The following TSPEAR variants were observed in gnomAD, a reference collection of about 807,000 sequenced individuals.
TSPEAR encodes the protein thrombospondin-type laminin G domain and EAR repeat-containing protein.
TSPEAR carries 69 observed loss-of-function variants against 71.6 expected under a neutral mutation model. That is an observed-to-expected ratio of 0.96 (90% CI 0.79 to 1.18). The LOEUF is 1.18. TSPEAR is among the 50% of genes most tolerant of loss of function. The probability of loss-of-function intolerance (pLI) is 0.00; values close to 1 mark genes in which losing one functional copy is unlikely to be tolerated. For missense variants in TSPEAR, 971 were observed against 894.9 expected (o/e 1.09, Z -1.09); for synonymous variants, 402 against 387.2 (o/e 1.04, Z -0.45).
At chr21:44,597,376 T>G (rs1414142997) in intron 1 of TSPEAR, among the ~76,000 whole-genome samples, 3 of 151,992 alleles carry the variant, frequency 2.0e-5, no homozygotes, top group Non-Finnish European at 4.4e-5. Context: ...TGTGGTGTAT[T>G]TTCTTCCATC....
intron 1 of TSPEAR, chr21:44,675,731 C>T: frequency 2.5e-6 from 1 of 403,510 alleles, no homozygotes; most frequent in Non-Finnish European, 4.5e-6. Flanking sequence ...ATAAATGCAA[C>T]AGGTGTTAAC....
chr21:44,666,280 AAGGGCTCC>A lies in TSPEAR; in HGVS notation c.82+45145_82+45152del. ...CCCTGGGGGGATGGGCAAGGTCAGC[AAGGGCTCC>A]AGATCATTCTGTCACATTCTCAATC... On this transcript the variant is annotated intron_variant, in intron 1 of 11. Transcript: ENST00000323084. 4.5e-6 allele frequency: 4 copies of A among 890,610 alleles called. No individual in the cohort carries two copies. The South Asian group carries it at 8.3e-5, about 18-fold the overall frequency. 55.2% of individuals were successfully genotyped at this position (890,610 alleles called of 1,614,324 possible). A position where few individuals can be genotyped will look rare whatever the true frequency, so the allele number is the denominator to read the frequency against.
rs1414750782 is a variant in TSPEAR, at chr21:44,499,953, G to A, written c.1857-17C>T. 1 of 1,594,172 alleles carries A rather than the reference G, an allele frequency of 6.3e-7. No homozygotes were observed. The highest frequency in any genetic ancestry group is 8.5e-7 in the Non-Finnish European group (1 of 1,173,656). On this transcript the variant is annotated splice_polypyrimidine_tract_variant and intron_variant, in intron 11 of 11. Coordinates refer to ENST00000323084, the MANE Select transcript of TSPEAR (RefSeq NM_144991.3). ...CCCTGCCACCTGCGGAACAGACAGC[G>A]GCAGCCGGGTCAGCCTGGGCTCTGC...
chr21:44,628,164 A>C (rs781877134), intron 1 of TSPEAR: 86 of 1,330,614 alleles, frequency 6.5e-5, no homozygotes, highest in Non-Finnish European at 8.6e-5. Flanking sequence ...AGCCCCAGCC[A>C]CAGCCGCCCA....
At chr21:44,503,294 G>A (rs1300376426) in intron 11 of TSPEAR, among the ~76,000 whole-genome samples, 5 of 142,240 alleles carry the variant, frequency 3.5e-5, no homozygotes, top group Non-Finnish European at 7.7e-5. Context: ...GAGCCCTCGG[G>A]GGGAAGCAAG....
intron 2 of TSPEAR, chr21:44,539,399 C>G: frequency 6.2e-7 from 1 of 1,601,790 alleles, no homozygotes; most frequent in Non-Finnish European, 8.5e-7. Flanking sequence ...AGGGGCACAG[C>G]AGGAGGAGAC....
At chr21:44,513,389 T>G (rs587720478) in intron 9 of TSPEAR, among the ~76,000 whole-genome samples, 9 of 152,326 alleles carry the variant, frequency 5.9e-5, no homozygotes, top group Non-Finnish European at 8.8e-5. Flanking sequence ...CACTCCCAGA[T>G]TTTAAGCACA....
chr21:44,681,698 G>C, intron 1 of TSPEAR: 1 of 1,203,650 alleles, frequency 8.3e-7, no homozygotes, highest in Admixed American at 2.5e-5. Context: ...TTATATTCTC[G>C]ATCCAGAATT....
At position 44,531,024 on chromosome 21, in the gene TSPEAR, G is replaced by GCAGC. The variant is rs1555915680; in HGVS notation, c.633+15_633+18dup. 1 of 1,604,750 alleles carries GCAGC rather than the reference G, an allele frequency of 6.2e-7. No homozygotes were observed. The highest frequency in any genetic ancestry group is 1.7e-5 in the Admixed American group (1 of 59,974). The stretch of plus-strand genomic sequence containing the variant: ...ATCCCGCAGCACGGGTGTTGGGAAG[G>GCAGC]CAGCCCCTCCATACTCGCCATGAAC... On this transcript the variant is annotated intron_variant, in intron 4 of 11. Transcript: ENST00000323084.
intron 1 of TSPEAR, chr21:44,697,198 C>T (rs782303216): frequency 5.6e-6 from 9 of 1,613,004 alleles, no homozygotes; most frequent in Non-Finnish European, 7.6e-6. Flanking sequence ...CGGCTGCATC[C>T]ACCATGTCCG....
At chr21:44,670,055 C>A (rs1307275725) in intron 1 of TSPEAR, among the ~76,000 whole-genome samples, 1 of 152,136 alleles carries the variant, frequency 6.6e-6, no homozygotes, top group African/African-American at 2.4e-5. Flanking sequence ...AGAATAATTC[C>A]CTTTTAATAT....
intron 1 of TSPEAR, among the ~76,000 whole-genome samples, chr21:44,598,166 G>A (rs1409698799): frequency 1.3e-5 from 2 of 152,046 alleles, no homozygotes; most frequent in Non-Finnish European, 2.9e-5. Flanking sequence ...CTCGCATTCC[G>A]TTCTGTATTT....
At chr21:44,540,135 T>G (rs2053191404) in intron 2 of TSPEAR, 1 of 1,613,182 alleles carries the variant, frequency 6.2e-7, no homozygotes, top group Non-Finnish European at 8.5e-7. Flanking sequence ...CAGACGGACA[T>G]GGTGGACGCG....
At chr21:44,540,978 A>ATT (rs201197414) in intron 2 of TSPEAR, among the ~76,000 whole-genome samples, 11 of 141,576 alleles carry the variant, frequency 7.8e-5, no homozygotes, top group African/African-American at 7.8e-5. Flanking sequence ...TCTTAAATTT[A>ATT]TTTTTTTTTT....
chr21:44,709,914 T>C (rs1988130218), intron 1 of TSPEAR, among the ~76,000 whole-genome samples: 1 of 152,258 alleles, frequency 6.6e-6, no homozygotes, highest in African/African-American at 2.4e-5. Context: ...CTTTCCTCCC[T>C]GGTTCGTGGT....
chr21:44,508,854 C>T, intron 10 of TSPEAR: 2 of 1,408,974 alleles, frequency 1.4e-6, no homozygotes, highest in South Asian at 1.2e-5. Flanking sequence ...CGCACCTGTC[C>T]CTCTGGGGCC....
At chr21:44,531,331 C>A (rs587621791) in intron 3 of TSPEAR, among the ~76,000 whole-genome samples, 198 bp from the exon 4 acceptor site, 11 of 152,342 alleles carry the variant, frequency 7.2e-5, no homozygotes, top group Non-Finnish European at 1.3e-4. Flanking sequence ...CAGGGTTTCT[C>A]CGAAGGCTCC....
chr21:44,524,777 TAGTC>T (rs782787847), intron 8 of TSPEAR, among the ~76,000 whole-genome samples: 9 of 151,616 alleles, frequency 5.9e-5, no homozygotes, highest in South Asian at 2.1e-4. Flanking sequence ...AGGTAATTAG[TAGTC>T]AGTCAGAGAG....
chr21:44,550,818 C>T lies in TSPEAR; in HGVS notation c.304-16895G>A, dbSNP rs782779314. On this transcript the variant is annotated intron_variant, in intron 2 of 11. Transcript: ENST00000323084. ...GGAGGTGCAGCAAGCTGGCTGGCAG[C>T]TAGACTGCTGGCAGCACGGAGAGGA... 6 of 1,535,230 alleles carry T rather than the reference C, an allele frequency of 3.9e-6. No homozygotes were observed. In the African/African-American group the frequency reaches 6.9e-5, roughly 18 times the overall value.
Sources: gnomAD v4.1 joint callset for allele counts (sites outside exome capture counted in the v4.1 genomes callset) on GRCh38, gnomAD v4.1.1 for gene constraint, MANE v1.5 for transcripts, NCBI Gene and HGNC (gene_info 2026-07-23, HGNC 2026-07-21) for gene names.